KLHDC7A: variants seen among roughly 807,000 people sequenced by gnomAD.
KLHDC7A encodes the protein kelch domain-containing protein 7A.
For missense variants in KLHDC7A, 1,123 were observed against 1,052.6 expected, an observed-to-expected ratio of 1.07 and a Z score of -0.93; for synonymous variants, 464 against 461.0, an observed-to-expected ratio of 1.01 and a Z score of -0.08.
Position 18,482,189 on chromosome 1 carries a change from G to T in KLHDC7A, c.1208G>T (p.Arg403Leu). ...GALPGLGRSS[R>L]EPHVQPVAGT... ...CTGCCTGGCTTAGGCAGAAGCAGCC[G>T]GGAGCCCCATGTGCAGCCGGTGGCC... Residue 403 changes from arginine (R) to leucine (L), a missense_variant, in exon 1 of 1, where the codon CGG becomes CTG. Arg to Leu is a moderately radical substitution (Grantham distance 102). Transcript: ENST00000400664. The T allele has an allele frequency of 1.2e-6, 2 of 1,611,120 alleles. No homozygotes were observed. The highest frequency in any genetic ancestry group is 2.2e-5 in the South Asian group (2 of 91,072).
chr1:18,481,743 C>A lies in KLHDC7A; in HGVS notation c.762C>A (p.Gly254=). Residue 254 remains glycine (G), a synonymous_variant, in exon 1 of 1, where the codon GGC becomes GGA. Transcript: ENST00000400664. ...DVDLTLHQQE[G]APNSSYTFSS... is the part of the protein sequence containing the mutation. ...ACCTGACCCTGCATCAGCAGGAGGG[C>A]GCCCCCAACTCCTCCTATACCTTCT... 1 of 1,613,896 alleles carries A rather than the reference C, an allele frequency of 6.2e-7. No homozygotes were observed. Among genetic ancestry groups the A allele is most frequent in the Non-Finnish European group, 8.5e-7 (1 of 1,179,898 alleles).
In KLHDC7A at chr1:18,481,852, G is replaced by T. The variant is rs138851325; in HGVS notation, c.871G>T (p.Asp291Tyr). 14 of 1,613,916 alleles carry T rather than the reference G, an allele frequency of 8.7e-6. No individual in the cohort carries two copies. In the African/African-American group the frequency reaches 1.7e-4, roughly 20 times the overall value. Reference sequence around the variant, plus strand: ...GCCCCGGCTCAAGGGCAAGGTGTACGACTACTATGTGGAATCTACCTCTCA... The same window carrying T: ...GCCCCGGCTCAAGGGCAAGGTGTACTACTACTATGTGGAATCTACCTCTCA... ...VEPRLKGKVYDYYVESTSQAI... is the reference protein window; with the variant it reads ...VEPRLKGKVYYYYVESTSQAI... Residue 291 changes from aspartate to tyrosine, a missense_variant, in exon 1 of 1, where the codon GAC becomes TAC. Coordinates refer to ENST00000400664, the MANE Select transcript of KLHDC7A (RefSeq NM_152375.3).
At position 18,482,854 on chromosome 1, in the gene KLHDC7A, C is replaced by G; in HGVS notation, c.1873C>G (p.Leu625Val). 6.2e-7 allele frequency: 1 copy of G among 1,611,722 alleles called. No individual in the cohort carries two copies. The highest frequency in any genetic ancestry group is 8.5e-7 in the Non-Finnish European group (1 of 1,179,618). ...APPLPSDTFA[L>V]AHTATVRAKE... is the part of the protein sequence containing the mutation. ...GCCGCTCCCCAGTGACACGTTCGCC[C>G]TGGCGCACACGGCCACGGTGCGTGC... is the stretch of plus-strand genomic sequence containing the variant. Residue 625 changes from leucine to valine, a missense_variant, in exon 1 of 1, where the codon CTG (leucine) becomes GTG (valine). Transcript: ENST00000400664.
At position 18,482,875 on chromosome 1, in the gene KLHDC7A, C is replaced by T. The variant is rs1199565181; in HGVS notation, c.1894C>T (p.Arg632Cys). The change falls in exon 1 of 1, where the codon CGT (arginine) becomes TGT (cysteine). Residue 632 changes from arginine (R) to cysteine (C), a missense_variant. Physicochemically the swap from Arg to Cys is radical, Grantham distance 180 (BLOSUM62 -3). Transcript: ENST00000400664. ...CGCCCTGGCGCACACGGCCACGGTG[C>T]GTGCCAAGGAAATCTTCGTCACCGG... ...TFALAHTATV[R>C]AKEIFVTGGS... 1 of 1,611,698 alleles carries T rather than the reference C, an allele frequency of 6.2e-7. No homozygotes were observed. Among genetic ancestry groups the T allele is most frequent in the Admixed American group, 1.7e-5 (1 of 59,958 alleles).
Position 18,480,944 on chromosome 1 carries a change from T to G in KLHDC7A, c.-38T>G. On this transcript the variant is annotated 5_prime_UTR_variant, in exon 1 of 1. Coordinates refer to ENST00000400664, the MANE Select transcript of KLHDC7A (RefSeq NM_152375.3). ...CCCTACTGGGCAATTATTAATCAGA[T>G]TCTTGACATTCCTCAGCCCCAGGTT... is the stretch of plus-strand genomic sequence containing the variant. The G allele has an allele frequency of 6.6e-7, 1 of 1,521,820 alleles. No homozygotes were observed. 94.3% of individuals were successfully genotyped at this position (1,521,820 alleles called of 1,614,324 possible). A position where few individuals can be genotyped will look rare whatever the true frequency, so the allele number is the denominator to read the frequency against.
chr1:18,482,948 G>T lies in KLHDC7A; in HGVS notation c.1967G>T (p.Arg656Leu). Residue 656 changes from arginine to leucine, a missense_variant, in exon 1 of 1, where the codon CGC becomes CTC. Arg to Leu is a moderately radical substitution (Grantham distance 102). Coordinates refer to ENST00000400664, the MANE Select transcript of KLHDC7A (RefSeq NM_152375.3). ...LLFRFSAQEQ[R>L]WWAGPTGGSK... The stretch of plus-strand genomic sequence containing the variant: ...TTCCGCTTCTCTGCGCAGGAGCAGC[G>T]CTGGTGGGCCGGCCCCACCGGGGGC... The T allele has an allele frequency of 6.2e-7, 1 of 1,611,996 alleles. No individual in the cohort carries two copies. The highest frequency in any genetic ancestry group is 8.5e-7 in the Non-Finnish European group (1 of 1,179,650).
rs563995322 is a variant in KLHDC7A at position 18,483,009 on chromosome 1, C to T, written c.2028C>T (p.Asn676=). 1.7e-5 allele frequency: 28 copies of T among 1,613,304 alleles called. No individual in the cohort carries two copies. Among genetic ancestry groups the T allele is most frequent in the Non-Finnish European group, 2.4e-5 (28 of 1,179,930 alleles). The change falls in exon 1 of 1, where the codon AAC becomes AAT. Residue 676 remains asparagine, a synonymous_variant. Coordinates refer to ENST00000400664, the MANE Select transcript of KLHDC7A (RefSeq NM_152375.3). ...GCACGGCCGAGATGGTGGCGGTCAA[C>T]GGCTTTCTCTACCGCTTTGACCTCA... ...KDRTAEMVAV[N]GFLYRFDLNR...
Position 18,481,768 on chromosome 1 carries a change from T to C in KLHDC7A, c.787T>C (p.Ser263Pro). ...CGCCCCCAACTCCTCCTATACCTTC[T>C]CATCCATAGCCCGCGTCCGAATGGA... ...EGAPNSSYTF[S>P]SIARVRMEEH... is the part of the protein sequence containing the mutation. Residue 263 changes from serine to proline, a missense_variant, in exon 1 of 1, where the codon TCA becomes CCA. Coordinates refer to ENST00000400664, the MANE Select transcript of KLHDC7A (RefSeq NM_152375.3). The C allele has an allele frequency of 6.2e-7, 1 of 1,614,094 alleles. No homozygotes were observed. Among genetic ancestry groups the C allele is most frequent in the Non-Finnish European group, 8.5e-7 (1 of 1,179,980 alleles).
rs1315675704 is a variant in KLHDC7A, at chr1:18,484,831, T to C, written c.*1516T>C. The C allele has an allele frequency of 6.0e-6, 1 of 166,610 alleles. No individual in the cohort carries two copies. Among genetic ancestry groups the C allele is most frequent in the African/African-American group, 2.4e-5 (1 of 41,222 alleles). 10.3% of individuals were successfully genotyped at this position (166,610 alleles called of 1,614,324 possible). On this transcript the variant is annotated 3_prime_UTR_variant, in exon 1 of 1. Coordinates refer to ENST00000400664, the MANE Select transcript of KLHDC7A (RefSeq NM_152375.3). ...CCACCGAAGACCACCATCCCTGGTC[T>C]GGGCTCTGGCACCAGGCTCTGCCAG...
In KLHDC7A at chr1:18,482,298, G is replaced by A. The variant is rs1348137501; in HGVS notation, c.1317G>A (p.Leu439=). 1 of 1,602,480 alleles carries A rather than the reference G, an allele frequency of 6.2e-7. No homozygotes were observed. The highest frequency in any genetic ancestry group is 8.5e-7 in the Non-Finnish European group (1 of 1,179,962). The change falls in exon 1 of 1, where the codon CTG becomes CTA. Residue 439 remains leucine (L), a synonymous_variant. Coordinates refer to ENST00000400664, the MANE Select transcript of KLHDC7A (RefSeq NM_152375.3). ...RLDLGNCYEV[L]TLAKRQNLEA... The stretch of plus-strand genomic sequence containing the variant: ...ATCTGGGCAATTGCTATGAGGTGCT[G>A]ACCTTGGCCAAGAGGCAGAACCTGG...
Position 18,482,174 on chromosome 1 carries a change from T to G in KLHDC7A, c.1193T>G (p.Leu398Ter), listed in dbSNP as rs544927168. Residue 398 changes from leucine (L) to a stop codon, truncating the protein, a stop_gained, in exon 1 of 1, where the codon TTA becomes TGA. Coordinates refer to ENST00000400664, the MANE Select transcript of KLHDC7A (RefSeq NM_152375.3). LOFTEE classifies it low-confidence loss of function (END_TRUNC). ...CCAGACCCGGGCGCCCTGCCTGGCT[T>G]AGGCAGAAGCAGCCGGGAGCCCCAT... ...PCPDPGALPGLGRSSREPHVQ... is the reference protein window; with the variant it reads ...PCPDPGALPG The G allele has an allele frequency of 2.0e-5, 33 of 1,611,458 alleles. No individual in the cohort carries two copies. The South Asian group carries it at 3.4e-4, about 17-fold the overall frequency.
In KLHDC7A at chr1:18,482,409, C is replaced by A. The variant is rs1449964270; in HGVS notation, c.1428C>A (p.Ser476Arg). Residue 476 changes from serine to arginine, a missense_variant, in exon 1 of 1, where the codon AGC (serine) becomes AGA (arginine). By Grantham distance (110) the Ser-to-Arg change is moderately radical. Coordinates refer to ENST00000400664, the MANE Select transcript of KLHDC7A (RefSeq NM_152375.3). The part of the protein sequence containing the change: ...LRSPDIYGCL[S>R]GAERELILQR... ...GCCCGGACATCTACGGGTGCCTGAG[C>A]GGGGCAGAGCGCGAGCTGATCCTGC... is the stretch of plus-strand genomic sequence containing the variant. 6.2e-7 allele frequency: 1 copy of A among 1,607,372 alleles called. No individual in the cohort carries two copies. Among genetic ancestry groups the A allele is most frequent in the Middle Eastern group, 1.7e-4 (1 of 6,058 alleles).
chr1:18,482,578 T>G lies in KLHDC7A; in HGVS notation c.1597T>G (p.Cys533Gly), dbSNP rs2086903525. 1.2e-6 allele frequency: 2 copies of G among 1,611,738 alleles called. No homozygotes were observed. Among genetic ancestry groups the G allele is most frequent in the Non-Finnish European group, 1.7e-6 (2 of 1,179,896 alleles). ...RMPPEAVSRG[C>G]AICSLFNYLF... Reference sequence around the variant, plus strand: ...GCCCCCCGAGGCCGTGTCCCGGGGCTGTGCCATCTGCAGTCTCTTCAATTA... The same window carrying G: ...GCCCCCCGAGGCCGTGTCCCGGGGCGGTGCCATCTGCAGTCTCTTCAATTA... Residue 533 changes from cysteine to glycine, a missense_variant, in exon 1 of 1, where the codon TGT becomes GGT. Transcript: ENST00000400664.
Position 18,481,087 on chromosome 1 carries a change from A to G in KLHDC7A, c.106A>G (p.Arg36Gly). ...AALLLVTVAY[R>G]LYKSRPAPAQ... ...CCTGCTCCTGGTGACTGTGGCCTAC[A>G]GGCTGTACAAGTCGAGGCCTGCCCC... Residue 36 changes from arginine (R) to glycine (G), a missense_variant, in exon 1 of 1, where the codon AGG becomes GGG. Arg to Gly is a moderately radical substitution (Grantham distance 125). Coordinates refer to ENST00000400664, the MANE Select transcript of KLHDC7A (RefSeq NM_152375.3). 6.2e-7 allele frequency: 1 copy of G among 1,613,826 alleles called. No homozygotes were observed. The highest frequency in any genetic ancestry group is 8.5e-7 in the Non-Finnish European group (1 of 1,179,960).
Position 18,483,925 on chromosome 1 carries a change from G to T in KLHDC7A, c.*610G>T. 1 of 1,304,082 alleles carries T rather than the reference G, an allele frequency of 7.7e-7. No individual in the cohort carries two copies. Among genetic ancestry groups the T allele is most frequent in the Non-Finnish European group, 1.0e-6 (1 of 988,856 alleles). The allele number at this position is 1,304,082 out of a possible 1,614,324, so 80.8% of individuals were successfully genotyped here. On this transcript the variant is annotated 3_prime_UTR_variant, in exon 1 of 1. Coordinates refer to ENST00000400664, the MANE Select transcript of KLHDC7A (RefSeq NM_152375.3). ...AGTAGAACAGCTGAAGCTGGGGCCA[G>T]CCTAGGAGACTCTTGCTTGCGAGAA...
rs753829100 is a variant in KLHDC7A, at chr1:18,482,901, C to T, written c.1920C>T (p.Gly640=). The change falls in exon 1 of 1, where the codon GGC becomes GGT. Residue 640 remains glycine (G), a synonymous_variant. Transcript: ENST00000400664. ...GTGCCAAGGAAATCTTCGTCACCGGCGGCTCGCTGCGCTTCCTGCTGTTCC... is the reference window on the plus strand; with the variant it reads ...GTGCCAAGGAAATCTTCGTCACCGGTGGCTCGCTGCGCTTCCTGCTGTTCC... ...TVRAKEIFVT[G]GSLRFLLFRF... 3.7e-6 allele frequency: 6 copies of T among 1,609,478 alleles called. No individual in the cohort carries two copies. In the Admixed American group the frequency reaches 1.0e-4, roughly 27 times the overall value.
Position 18,482,349 on chromosome 1 carries a change from G to A in KLHDC7A, c.1368G>A (p.Lys456=), listed in dbSNP as rs757603302. 3.7e-6 allele frequency: 6 copies of A among 1,602,652 alleles called. No individual in the cohort carries two copies. Among genetic ancestry groups the A allele is most frequent in the Non-Finnish European group, 5.1e-6 (6 of 1,179,948 alleles). ...NLEALKEAAY[K]VMSENYLQVL... ...AGGCCCTGAAAGAGGCGGCCTACAA[G>A]GTGATGAGCGAAAACTACCTGCAGG... The change falls in exon 1 of 1, where the codon AAG becomes AAA. Residue 456 remains lysine, a synonymous_variant. Coordinates refer to ENST00000400664, the MANE Select transcript of KLHDC7A (RefSeq NM_152375.3).
At position 18,485,646 on chromosome 1, in the gene KLHDC7A, C is replaced by G. The variant is rs2086928115; in HGVS notation, c.*2331C>G. On this transcript the variant is annotated 3_prime_UTR_variant, in exon 1 of 1. Coordinates refer to ENST00000400664, the MANE Select transcript of KLHDC7A (RefSeq NM_152375.3). Reference sequence around the variant, plus strand: ...GATGTGCTGGCCTGGGGCTCTAGAGCTGGGCTTCAGGAAGAATGTGGTCAG... The same window carrying G: ...GATGTGCTGGCCTGGGGCTCTAGAGGTGGGCTTCAGGAAGAATGTGGTCAG... 1 of 165,596 alleles carries G rather than the reference C, an allele frequency of 6.0e-6. No individual in the cohort carries two copies. The highest frequency in any genetic ancestry group is 2.4e-5 in the African/African-American group (1 of 40,956). 10.3% of individuals were successfully genotyped at this position (165,596 alleles called of 1,614,324 possible).
chr1:18,481,786 C>T lies in KLHDC7A; in HGVS notation c.805C>T (p.Arg269Ter), dbSNP rs201696745. The part of the protein sequence containing the change: ...SYTFSSIARV[R>*]MEEHFIQKAE... The stretch of plus-strand genomic sequence containing the variant: ...TACCTTCTCATCCATAGCCCGCGTC[C>T]GAATGGAGGAGCATTTCATACAGAA... The change falls in exon 1 of 1, where the codon CGA becomes TGA. Residue 269 changes from arginine (R) to a stop codon, truncating the protein, a stop_gained. Transcript: ENST00000400664. LOFTEE classifies it low-confidence loss of function (END_TRUNC). The T allele has an allele frequency of 1.9e-5, 30 of 1,614,096 alleles. No individual in the cohort carries two copies. The highest frequency in any genetic ancestry group is 2.2e-5 in the East Asian group (1 of 44,868).
Sources: gnomAD v4.1 joint callset for allele counts on GRCh38, gnomAD v4.1.1 for gene constraint, MANE v1.5 for transcripts, NCBI Gene and HGNC (gene_info 2026-07-23, HGNC 2026-07-21) for gene names.